Variants in WRN observed in about 807,000 individuals in gnomAD.
WRN encodes the protein bifunctional 3'-5' exonuclease/ATP-dependent helicase WRN.
A neutral mutation model predicts 180.7 loss-of-function variants in WRN; 149 were observed. The ratio of observed to expected loss-of-function variants is 0.82; its 90% CI spans 0.72 to 0.94. The LOEUF (loss-of-function observed/expected upper bound fraction) is 0.94. WRN is among the 40% of genes least tolerant of loss of function. The pLI is 0.00. For missense variants in WRN, 1,661 were observed against 1,700.1 expected (o/e 0.98, Z 0.40); for synonymous variants, 548 against 568.9 (o/e 0.96, Z 0.52).
At chr8:31,158,785 A>G (rs1803489359) in intron 33 of WRN, among the ~76,000 whole-genome samples, 1 of 152,086 alleles carries the variant, frequency 6.6e-6, no homozygotes. Flanking sequence ...CTTCACTTCC[A>G]TTGATCACGG....
chr8:31,127,789 C>T lies in WRN; in HGVS notation c.2825+2789C>T, dbSNP rs1427978881. Among the ~76,000 whole-genome samples the T allele has an allele frequency of 7.2e-5, 11 of 152,054 alleles. 1 individual carries two copies. In the South Asian group the frequency reaches 1.2e-3, roughly 17 times the overall value. The stretch of plus-strand genomic sequence containing the variant: ...AATAAAAAAAATTAGCTAGGCATAG[C>T]ATTATGTGCCTCTAGTCCCAGCTAC... On this transcript the variant is annotated intron_variant, in intron 23 of 34. Coordinates refer to ENST00000298139, the MANE Select transcript of WRN (RefSeq NM_000553.6).
chr8:31,143,480 T>G, intron 27 of WRN, 70 bp from the exon 28 acceptor site: 3 of 1,077,226 alleles, frequency 2.8e-6, no homozygotes, highest in East Asian at 2.4e-5. Flanking sequence ...AGATTTTTGT[T>G]TCTTATTTTC....
rs1803429007 is a variant in WRN at position 31,157,425 on chromosome 8, C to A, written c.3877C>A (p.Gln1293Lys). The change falls in exon 33 of 35, where the codon CAA becomes AAA. Residue 1293 changes from glutamine to lysine, a missense_variant. Gln to Lys is a moderately conservative substitution (Grantham distance 53). Around this residue, in one of 3 missense-constraint regions of WRN, gnomAD observed 1,141 missense variants for 1,149.4 expected, o/e 0.99. Coordinates refer to ENST00000298139, the MANE Select transcript of WRN (RefSeq NM_000553.6). ...CATGACAATTGGCATGCACTTATCC[C>A]AAGCGGTGAAAGCTGGCTGCCCCCT... is the stretch of plus-strand genomic sequence containing the variant. ...PLMTIGMHLS[Q>K]AVKAGCPLDL... 1.2e-6 allele frequency: 2 copies of A among 1,613,992 alleles called. No homozygotes were observed. Among genetic ancestry groups the A allele is most frequent in the Non-Finnish European group, 8.5e-7 (1 of 1,180,026 alleles).
At chr8:31,098,486 C>T (rs1178674410) in intron 17 of WRN, among the ~76,000 whole-genome samples, 1 of 152,018 alleles carries the variant, frequency 6.6e-6, no homozygotes, top group Admixed American at 6.5e-5. Context: ...ATTAGAGCAG[C>T]GTACTTTGCT....
rs1563375284 is a variant in WRN at position 31,139,999 on chromosome 8, C to CTTT, written c.2968-1430_2968-1428dup. ...CATAAAGCTCTATGTTTGTATACTT[C>CTTT]TTTGTTTTTTTTTTTTTTTTTTTTT... On this transcript the variant is annotated intron_variant, in intron 24 of 34. Coordinates refer to ENST00000298139, the MANE Select transcript of WRN (RefSeq NM_000553.6). 3.6e-3 allele frequency among the ~76,000 whole-genome samples: 269 copies of CTTT among 74,712 alleles called. 8 individuals carry two copies. The highest frequency in any genetic ancestry group is 0.012 in the African/African-American group (224 of 18,732). The allele number at this position is 74,712 out of a possible 152,430, so 49.0% of individuals were successfully genotyped here. A position where few individuals can be genotyped will look rare whatever the true frequency, so the allele number is the denominator to read the frequency against.
intron 23 of WRN, among the ~76,000 whole-genome samples, chr8:31,128,860 A>G (rs1442064984): frequency 1.3e-5 from 2 of 152,248 alleles, no homozygotes; most frequent in Admixed American, 6.5e-5. Context: ...CTCTGTCTCA[A>G]AAAAAACCAA....
At chr8:31,071,199 G>A (rs1202245352) in intron 7 of WRN, among the ~76,000 whole-genome samples, 1 of 152,108 alleles carries the variant, frequency 6.6e-6, no homozygotes, top group Non-Finnish European at 1.5e-5. Flanking sequence ...AGGGCTGGGC[G>A]GATGAAGGCA....
chr8:31,113,621 ACTCT>A (rs913036533), intron 19 of WRN, among the ~76,000 whole-genome samples: 59 of 151,724 alleles, frequency 3.9e-4, no homozygotes, highest in African/African-American at 1.4e-3. Context: ...TTATAATAAC[ACTCT>A]CTATGGCACT....
At chr8:31,131,436 G>C (rs1046129196) in intron 23 of WRN, 3 of 152,328 alleles carry the variant, frequency 2.0e-5, no homozygotes, top group African/African-American at 7.2e-5. Context: ...GATTACAGGC[G>C]TGAGCCACTG....
rs1060503819 is a variant in WRN at position 31,167,164 on chromosome 8, T to C, written c.4125T>C (p.Phe1375=). The change falls in exon 34 of 35, where the codon TTT becomes TTC. Residue 1375 remains phenylalanine (F), a synonymous_variant. Transcript: ENST00000298139. The stretch of plus-strand genomic sequence containing the variant: ...GTGATGTCAACAAAAGGAGATGTTT[T>C]CCCGGTTCTGAAGAGATCTGTTCAA... ...PSCDVNKRRC[F]PGSEEICSSS... The C allele has an allele frequency of 6.2e-7, 1 of 1,613,328 alleles. No homozygotes were observed. The highest frequency in any genetic ancestry group is 8.5e-7 in the Non-Finnish European group (1 of 1,179,462).
intron 33 of WRN, among the ~76,000 whole-genome samples, chr8:31,165,226 A>G (rs1803807326): frequency 6.6e-6 from 1 of 152,024 alleles, no homozygotes; most frequent in East Asian, 1.9e-4. Context: ...ATTTTTCCCT[A>G]AAAAATTGGT....
In WRN at chr8:31,058,472, A is replaced by T; in HGVS notation, c.25A>T (p.Thr9Ser). Residue 9 changes from threonine (T) to serine (S), a missense_variant, in exon 2 of 35, where the codon ACT becomes TCT. Thr to Ser is a moderately conservative substitution (Grantham distance 58, BLOSUM62 1). Coordinates refer to ENST00000298139, the MANE Select transcript of WRN (RefSeq NM_000553.6). Reference sequence around the variant, plus strand: ...GATGAGTGAAAAAAAATTGGAAACAACTGCACAGCAGCGGAAATGTCCTGA... The same window carrying T: ...GATGAGTGAAAAAAAATTGGAAACATCTGCACAGCAGCGGAAATGTCCTGA... MSEKKLET[T>S]AQQRKCPEWM... is the part of the protein sequence containing the mutation. The T allele has an allele frequency of 6.2e-7, 1 of 1,613,752 alleles. No homozygotes were observed. The highest frequency in any genetic ancestry group is 1.7e-4 in the Middle Eastern group (1 of 6,052).
At position 31,167,230 on chromosome 8, in the gene WRN, G is replaced by C. The variant is rs369276959; in HGVS notation, c.4191G>C (p.Glu1397Asp). ...AGGAAGAAGTAGGCATCAATACTGA[G>C]GTATTAATTATATATAGAATTTTCA... ...RSKEEVGINT[E>D]TSSAERKRRL... The change falls in exon 34 of 35, where the codon GAG (glutamate) becomes GAC (aspartate). Residue 1397 changes from glutamate (E) to aspartate (D), a missense_variant and splice_region_variant. Glu to Asp is a conservative substitution (Grantham distance 45). Transcript: ENST00000298139. The C allele has an allele frequency of 1.2e-6, 2 of 1,609,728 alleles. No individual in the cohort carries two copies. Among genetic ancestry groups the C allele is most frequent in the African/African-American group, 1.3e-5 (1 of 74,832 alleles).
At chr8:31,074,422 C>A (rs1813024648) in intron 7 of WRN, among the ~76,000 whole-genome samples, 1 of 152,034 alleles carries the variant, frequency 6.6e-6, no homozygotes, top group Non-Finnish European at 1.5e-5. Context: ...AGACGTAATT[C>A]TCTTATTATT....
intron 31 of WRN, among the ~76,000 whole-genome samples, chr8:31,152,330 CAAA>C (rs796748864): frequency 4.1e-4 from 50 of 121,768 alleles, no homozygotes; most frequent in African/African-American, 1.5e-3. Context: ...GACTCCATCT[CAAA>C]AAAAAAAAAA....
chr8:31,107,779 A>G (rs914912481), intron 18 of WRN, among the ~76,000 whole-genome samples: 7 of 152,230 alleles, frequency 4.6e-5, no homozygotes, highest in Admixed American at 4.6e-4. Flanking sequence ...GAATCAGACA[A>G]AGTGAGTGTT....
intron 5 of WRN, 127 bp from the exon 6 acceptor site, chr8:31,066,906 G>C (rs1360944117): frequency 9.0e-7 from 1 of 1,113,168 alleles, no homozygotes; most frequent in Non-Finnish European, 1.3e-6. Context: ...TTTGTTGAAG[G>C]CTATCTGTGG....
chr8:31,109,099 T>C (rs1448793386), intron 18 of WRN, among the ~76,000 whole-genome samples: 1 of 152,178 alleles, frequency 6.6e-6, no homozygotes, highest in Non-Finnish European at 1.5e-5. Flanking sequence ...GTTCAGGCCT[T>C]TCGGCAGTAC....
chr8:31,154,691 T>C lies in WRN; in HGVS notation c.3755T>C (p.Ile1252Thr), dbSNP rs751754209. Reference sequence around the variant, plus strand: ...ACGAGTCTGGTAGCAAAAAATAAAATATGCACACTTTCACAGTCTATGGCC... The same window carrying C: ...ACGAGTCTGGTAGCAAAAAATAAAACATGCACACTTTCACAGTCTATGGCC... ...QKTSLVAKNK[I>T]CTLSQSMAIT... Residue 1252 changes from isoleucine (I) to threonine (T), a missense_variant, in exon 32 of 35, where the codon ATA (isoleucine) becomes ACA (threonine). Ile to Thr is a moderately conservative substitution (Grantham distance 89). Around this residue, in one of 3 missense-constraint regions of WRN, gnomAD observed 1,141 missense variants for 1,149.4 expected, o/e 0.99. Coordinates refer to ENST00000298139, the MANE Select transcript of WRN (RefSeq NM_000553.6). 5 of 1,613,640 alleles carry C rather than the reference T, an allele frequency of 3.1e-6. No individual in the cohort carries two copies. In the East Asian group the frequency reaches 1.1e-4, roughly 36 times the overall value.
Sources: allele counts gnomAD v4.1 joint callset (sites outside exome capture counted in the v4.1 genomes callset), GRCh38; gene constraint gnomAD v4.1.1; regional missense constraint gnomAD v4.1.1; transcripts MANE v1.5; gene names NCBI Gene and HGNC (gene_info 2026-07-23, HGNC 2026-07-21).